Variants in TGM3 observed in about 807,000 individuals in gnomAD.
The protein encoded by TGM3 is protein-glutamine gamma-glutamyltransferase E.
A neutral mutation model predicts 73.8 loss-of-function variants in TGM3; 52 were observed. The ratio of observed to expected loss-of-function variants is 0.70; its 90% confidence interval spans 0.56 to 0.89. TGM3 has a LOEUF of 0.89. Ranked by LOEUF, TGM3 falls within the 40% of genes least tolerant of loss-of-function variation. TGM3 has a pLI of 0.00. For missense variants in TGM3, 928 were observed against 909.9 expected (o/e 1.02, Z -0.26); for synonymous variants, 372 against 354.9 (o/e 1.05, Z -0.54).
chr20:2,329,769 A>G (rs368818690), intron 9 of TGM3, among the ~76,000 whole-genome samples: 3 of 152,328 alleles, frequency 2.0e-5, no homozygotes, highest in African/African-American at 7.2e-5. Flanking sequence ...TGAGAAGAGC[A>G]ATGCCTGTCT....
chr20:2,328,083 C>T lies in TGM3; in HGVS notation c.1088-37C>T, dbSNP rs1368068877. ...AATCGGGCACTGGGTAGGTTGTGGC[C>T]TTGGCATATATCCAGCCTCTGCATC... On this transcript the variant is annotated intron_variant, in intron 8 of 12. Transcript: ENST00000381458. The surrounding 1 kb of genome is among the most constrained non-coding windows in gnomAD (Gnocchi z 5.2). 6.2e-7 allele frequency: 1 copy of T among 1,613,238 alleles called. No individual in the cohort carries two copies. The highest frequency in any genetic ancestry group is 8.5e-7 in the Non-Finnish European group (1 of 1,179,456).
chr20:2,338,792 C>G (rs1429896182), intron 11 of TGM3, among the ~76,000 whole-genome samples: 1 of 152,220 alleles, frequency 6.6e-6, no homozygotes, highest in African/African-American at 2.4e-5. Context: ...ATGTCCATTT[C>G]TATGTCCAAA....
Position 2,310,159 on chromosome 20 carries a change from C to A in TGM3, c.182-19C>A. 6.2e-7 allele frequency: 1 copy of A among 1,613,602 alleles called. No individual in the cohort carries two copies. The stretch of plus-strand genomic sequence containing the variant: ...GACCAGTGCTTGTTGGTTTTCTCAA[C>A]CTCTGTCTTCTTTGACAGGGCCTTA... On this transcript the variant is annotated intron_variant, in intron 2 of 12. Coordinates refer to ENST00000381458, the MANE Select transcript of TGM3 (RefSeq NM_003245.4).
chr20:2,309,614 C>A (rs372904872), intron 1 of TGM3, 43 bp from the exon 2 acceptor site: 127 of 1,606,246 alleles, frequency 7.9e-5, no homozygotes, highest in Non-Finnish European at 1.1e-4. Flanking sequence ...ACACCACCAT[C>A]CCTTGCCTCC....
At chr20:2,318,102 C>G (rs2084245233) in intron 7 of TGM3, among the ~76,000 whole-genome samples, 1 of 152,152 alleles carries the variant, frequency 6.6e-6, no homozygotes, top group East Asian at 1.9e-4. Context: ...TCACTGCAAC[C>G]TCAGGCTCCC....
chr20:2,339,487 A>G (rs372659507), intron 11 of TGM3, among the ~76,000 whole-genome samples: 11 of 152,282 alleles, frequency 7.2e-5, no homozygotes, highest in Admixed American at 5.9e-4. Flanking sequence ...AAATAAATTC[A>G]GCATGAAAAA....
In TGM3 at chr20:2,309,698, C is replaced by A. The variant is rs373027296; in HGVS notation, c.49C>A (p.Arg17=). 267 of 1,614,142 alleles carry A rather than the reference C, an allele frequency of 1.7e-4. 1 individual carries two copies. Among genetic ancestry groups the A allele is most frequent in the Non-Finnish European group, 2.1e-4 (243 of 1,180,018 alleles). ...QSINWQTAFN[R]QAHHTDKFSS... is the part of the protein sequence containing the mutation. ...TATCAACTGGCAGACGGCCTTCAAC[C>A]GACAAGCGCATCACACAGACAAGTT... The change falls in exon 2 of 13, where the codon CGA becomes AGA. Residue 17 remains arginine, a synonymous_variant. Coordinates refer to ENST00000381458, the MANE Select transcript of TGM3 (RefSeq NM_003245.4).
rs2084298538 is a variant in TGM3, at chr20:2,328,027, G to C, written c.1088-93G>C. On this transcript the variant is annotated intron_variant, in intron 8 of 12. Transcript: ENST00000381458. The surrounding 1 kb of genome is among the most constrained non-coding windows in gnomAD (Gnocchi z 5.2). ...AGGAATTTGGGCGGGGCAGAGGCAG[G>C]GGGTTGCAGTGGTCCTGGAAGGCCC... The C allele has an allele frequency of 4.5e-6, 7 of 1,562,896 alleles. No individual in the cohort carries two copies. Among genetic ancestry groups the C allele is most frequent in the African/African-American group, 1.3e-5 (1 of 74,092 alleles).
chr20:2,309,635 G>A, intron 1 of TGM3, 22 bp from the exon 2 acceptor site: 3 of 1,612,314 alleles, frequency 1.9e-6, no homozygotes, highest in Admixed American at 1.7e-5. Flanking sequence ...TAGGACTTCA[G>A]GTTCTCCTTT....
At position 2,323,206 on chromosome 20, in the gene TGM3, A is replaced by G. The variant is rs373673233; in HGVS notation, c.984-2643A>G. On this transcript the variant is annotated intron_variant, in intron 7 of 12. Transcript: ENST00000381458. ...CCCAATTTGTAGTCTTTTATCCCTC[A>G]CCCCCTTCCCACCTTTTCTCTCTGA... is the stretch of plus-strand genomic sequence containing the variant. 2.4e-3 allele frequency among the ~76,000 whole-genome samples: 361 copies of G among 151,684 alleles called. 4 individuals are homozygous for G. The South Asian group carries it at 0.033, about 14-fold the overall frequency.
At chr20:2,305,914 C>T (rs539141050) in intron 1 of TGM3, among the ~76,000 whole-genome samples, 1 of 152,300 alleles carries the variant, frequency 6.6e-6, no homozygotes, top group South Asian at 2.1e-4. Context: ...ACACAAATGC[C>T]CAGTAAACTT....
rs1327175683 is a variant in TGM3 at position 2,332,379 on chromosome 20, G to A, written c.1642+69G>A. The A allele has an allele frequency of 1.4e-6, 2 of 1,437,078 alleles. No homozygotes were observed. The highest frequency in any genetic ancestry group is 2.4e-5 in the East Asian group (1 of 40,824). 89.0% of individuals were successfully genotyped at this position (1,437,078 alleles called of 1,614,324 possible). Reference sequence around the variant, plus strand: ...GCCAATGGCCTTCTGGGGCTGCAGGGTGTCTGCTGGGCTCCAGGTTAGTCA... The same window carrying A: ...GCCAATGGCCTTCTGGGGCTGCAGGATGTCTGCTGGGCTCCAGGTTAGTCA... On this transcript the variant is annotated intron_variant, in intron 10 of 12. Transcript: ENST00000381458. This position sits in a 1 kb window ranked among gnomAD's most constrained non-coding sequence, Gnocchi z 4.4.
intron 9 of TGM3, among the ~76,000 whole-genome samples, 186 bp from the exon 10 acceptor site, chr20:2,331,816 A>G (rs530690747): frequency 6.6e-6 from 1 of 152,346 alleles, no homozygotes; most frequent in Admixed American, 6.5e-5. Context: ...GAAAAGCGCC[A>G]GAGACCAACT....
chr20:2,336,850 C>G (rs902689406), intron 11 of TGM3, among the ~76,000 whole-genome samples: 2 of 151,978 alleles, frequency 1.3e-5, no homozygotes, highest in African/African-American at 4.8e-5. Context: ...CTCAGTTGCT[C>G]CAACTCTGTC....
chr20:2,332,379 G>C lies in TGM3; in HGVS notation c.1642+69G>C. ...GCCAATGGCCTTCTGGGGCTGCAGGGTGTCTGCTGGGCTCCAGGTTAGTCA... is the reference window on the plus strand; with the variant it reads ...GCCAATGGCCTTCTGGGGCTGCAGGCTGTCTGCTGGGCTCCAGGTTAGTCA... On this transcript the variant is annotated intron_variant, in intron 10 of 12. Coordinates refer to ENST00000381458, the MANE Select transcript of TGM3 (RefSeq NM_003245.4). This position sits in a 1 kb window ranked among gnomAD's most constrained non-coding sequence, Gnocchi z 4.4. The C allele has an allele frequency of 7.0e-7, 1 of 1,437,078 alleles. No homozygotes were observed. Among genetic ancestry groups the C allele is most frequent in the Middle Eastern group, 1.8e-4 (1 of 5,516 alleles). The allele number at this position is 1,437,078 out of a possible 1,614,324, so 89.0% of individuals were successfully genotyped here.
intron 5 of TGM3, 55 bp downstream of exon 5, chr20:2,313,081 T>C: frequency 6.2e-7 from 1 of 1,608,906 alleles, no homozygotes; most frequent in South Asian, 1.1e-5. Context: ...GAACACCACC[T>C]ATGAGCTAGG....
At chr20:2,313,162 C>T (rs2084216069) in intron 5 of TGM3, 136 bp downstream of exon 5, 2 of 1,281,266 alleles carry the variant, frequency 1.6e-6, no homozygotes, top group Admixed American at 4.4e-5. Flanking sequence ...GAACCATCCA[C>T]ATTTTACTAA....
intron 9 of TGM3, among the ~76,000 whole-genome samples, chr20:2,329,083 C>G (rs545227617): frequency 1.3e-5 from 2 of 152,216 alleles, no homozygotes; most frequent in African/African-American, 2.4e-5. Context: ...TTTTTAGAAA[C>G]AGCCAAAAGT....
rs965635840 is a variant in TGM3 at position 2,317,349 on chromosome 20, G to A, written c.848-1G>A. 2 of 1,614,080 alleles carry A rather than the reference G, an allele frequency of 1.2e-6. No homozygotes were observed. The highest frequency in any genetic ancestry group is 1.7e-6 in the Non-Finnish European group (2 of 1,180,042). On this transcript the variant is annotated splice_acceptor_variant, in intron 6 of 12. Transcript: ENST00000381458. LOFTEE classifies it high-confidence loss of function. ...GTCCTCACGCCCACCCTGACTTGCA[G>A]CGCTGCGGTCTTTGGGGATTCCTTC...
Sources: allele counts gnomAD v4.1 joint callset (sites outside exome capture counted in the v4.1 genomes callset), GRCh38; gene constraint gnomAD v4.1.1; non-coding constraint Gnocchi (gnomAD v3.1); transcripts MANE v1.5; gene names NCBI Gene and HGNC (gene_info 2026-07-23, HGNC 2026-07-21).